The following ZNF536 variants were observed in gnomAD, a reference collection of about 807,000 sequenced individuals.
ZNF536 encodes zinc finger protein 536.
In ZNF536, 13 loss-of-function variants were observed where a neutral mutation model predicts 84.5. That is an observed-to-expected ratio of 0.15 (90% CI 0.10 to 0.24). The LOEUF (loss-of-function observed/expected upper bound fraction) is 0.24, where lower values mean the gene tolerates loss of function less well. ZNF536 is among the 10% of genes least tolerant of loss of function. The probability of loss-of-function intolerance (pLI) is 1.00; values close to 1 mark genes in which losing one functional copy is unlikely to be tolerated. For missense variants in ZNF536, 1,536 were observed against 1,747.5 expected (o/e 0.88, Z 2.16); for synonymous variants, 811 against 742.5 (o/e 1.09, Z -1.50).
chr19:30,585,881 A>G (rs1281311721), intron 1 of ZNF536, among the ~76,000 whole-genome samples: 1 of 152,206 alleles, frequency 6.6e-6, no homozygotes, highest in East Asian at 1.9e-4. Context: ...CATTGTCTGT[A>G]CCACATAACT....
intron 3 of ZNF536, among the ~76,000 whole-genome samples, chr19:30,546,296 C>T (rs1250030956): frequency 4.6e-5 from 7 of 152,186 alleles, no homozygotes; most frequent in Admixed American, 2.0e-4. Flanking sequence ...GAGACTTCCT[C>T]CTAGATTCCT....
At chr19:30,429,164 A>G (rs61476823) in intron 1 of ZNF536, among the ~76,000 whole-genome samples, 22,515 of 152,126 alleles carry the variant, frequency 0.15, 3,260 homozygotes, top group East Asian at 0.46. Flanking sequence ...CCCTGGGGCT[A>G]GCTGGGAGAG....
At chr19:30,309,303 T>C (rs1219918832) in intron 2 of ZNF536, among the ~76,000 whole-genome samples, 1 of 152,236 alleles carries the variant, frequency 6.6e-6, no homozygotes, top group Admixed American at 6.5e-5. Context: ...TTGCAAGAGA[T>C]AACTGGTTAT....
At chr19:30,426,502 A>G (rs2051219924) in intron 1 of ZNF536, among the ~76,000 whole-genome samples, 1 of 152,128 alleles carries the variant, frequency 6.6e-6, no homozygotes, top group African/African-American at 2.4e-5. Context: ...TCTTAGGTGA[A>G]TCTTTACCCT....
At chr19:30,474,428 A>C (rs1481462335) in intron 2 of ZNF536, among the ~76,000 whole-genome samples, 3 of 151,690 alleles carry the variant, frequency 2.0e-5, no homozygotes, top group Non-Finnish European at 4.4e-5. Context: ...CTTGTTCCTC[A>C]CGTTTTCCAC....
At chr19:30,448,111 T>A (rs1298901072) in intron 2 of ZNF536, among the ~76,000 whole-genome samples, 1 of 152,246 alleles carries the variant, frequency 6.6e-6, no homozygotes, top group Non-Finnish European at 1.5e-5. Context: ...TTATTTCCCC[T>A]CATTGAAGTA....
chr19:30,252,633 C>T (rs2024682098), intron 1 of ZNF536, among the ~76,000 whole-genome samples: 3 of 152,188 alleles, frequency 2.0e-5, no homozygotes, highest in African/African-American at 4.8e-5. Flanking sequence ...TCTGTGCCTG[C>T]GGCCATCAGC....
At chr19:30,385,052 G>A (rs898816965) in intron 1 of ZNF536, among the ~76,000 whole-genome samples, 1 of 151,972 alleles carries the variant, frequency 6.6e-6, no homozygotes. Context: ...AAAAAACCCA[G>A]CTCCACCTCC....
At chr19:30,389,279 C>T (rs575264322) in intron 1 of ZNF536, among the ~76,000 whole-genome samples, 3 of 152,118 alleles carry the variant, frequency 2.0e-5, no homozygotes, top group African/African-American at 7.2e-5. Flanking sequence ...TGGTGATACT[C>T]GTGTATAGGG....
chr19:30,510,215 A>C (rs1178381395), intron 2 of ZNF536, among the ~76,000 whole-genome samples: 2 of 152,224 alleles, frequency 1.3e-5, no homozygotes, highest in Non-Finnish European at 2.9e-5. Context: ...GTTTGTTATG[A>C]GAAAGGCATG....
chr19:30,508,394 C>G (rs2055260164), intron 2 of ZNF536, among the ~76,000 whole-genome samples: 1 of 152,184 alleles, frequency 6.6e-6, no homozygotes, highest in Non-Finnish European at 1.5e-5. Flanking sequence ...TCTGGTCACT[C>G]TCCTTCATTC....
chr19:30,405,700 C>A (rs1350807511), intron 1 of ZNF536, among the ~76,000 whole-genome samples: 1 of 152,100 alleles, frequency 6.6e-6, no homozygotes, highest in Non-Finnish European at 1.5e-5. Flanking sequence ...GAATCGTTTT[C>A]CACCTTTGCA....
At chr19:30,279,739 T>A (rs1052763721) in intron 1 of ZNF536, among the ~76,000 whole-genome samples, 3 of 152,170 alleles carry the variant, frequency 2.0e-5, no homozygotes, top group Admixed American at 6.5e-5. Context: ...AGGCATTGCT[T>A]GGGAGCCACT....
intron 2 of ZNF536, among the ~76,000 whole-genome samples, chr19:30,470,532 CAT>C (rs1235734300): frequency 8.0e-5 from 12 of 150,076 alleles, no homozygotes; most frequent in African/African-American, 2.9e-4. Context: ...TTTACAGAAA[CAT>C]TGAGTGGAAA....
chr19:30,554,776 G>A (rs549039512), intron 4 of ZNF536: 4 of 152,316 alleles, frequency 2.6e-5, no homozygotes, highest in South Asian at 2.1e-4. Context: ...CGATGCACTG[G>A]AATTGGCCCA....
chr19:30,574,321 C>A (rs1333299931), intron 1 of ZNF536, among the ~76,000 whole-genome samples: 1 of 152,160 alleles, frequency 6.6e-6, no homozygotes, highest in Non-Finnish European at 1.5e-5. Flanking sequence ...GGGGAAGAGA[C>A]CCTTCAAGAA....
At chr19:30,695,923 A>G (rs566678202) in intron 1 of ZNF536, among the ~76,000 whole-genome samples, 4 of 152,298 alleles carry the variant, frequency 2.6e-5, no homozygotes, top group African/African-American at 4.8e-5. Context: ...GTTTAGCCCA[A>G]TGTTCCTAAG....
chr19:30,405,839 A>G (rs6510159), intron 1 of ZNF536, among the ~76,000 whole-genome samples: 144,020 of 151,654 alleles, frequency 0.95, 68,498 homozygotes, highest in African/African-American at 0.97. Flanking sequence ...GTGCACTGGC[A>G]CAATCTCCAC....
chr19:30,494,501 G>A (rs1417972540), intron 2 of ZNF536, among the ~76,000 whole-genome samples: 1 of 152,166 alleles, frequency 6.6e-6, no homozygotes, highest in Non-Finnish European at 1.5e-5. Flanking sequence ...AGGCAGTGGC[G>A]ATGCTTCTGA....
Sources: allele counts gnomAD v4.1 joint callset (sites outside exome capture counted in the v4.1 genomes callset), GRCh38; gene constraint gnomAD v4.1.1; transcripts MANE v1.5; gene names NCBI Gene and HGNC (gene_info 2026-07-23, HGNC 2026-07-21).